SYT14: variants seen among roughly 807,000 people sequenced by gnomAD.
SYT14 encodes synaptotagmin-14.
In SYT14, 32 loss-of-function variants were observed where a neutral mutation model predicts 74.2. The observed-to-expected ratio is 0.43, with a 90% CI of 0.33 to 0.58. The LOEUF (loss-of-function observed/expected upper bound fraction) is 0.58, where lower values mean the gene tolerates loss of function less well. Ranked by LOEUF, SYT14 falls within the 20% of genes least tolerant of loss-of-function variation. The pLI is 0.05. For missense variants in SYT14, 791 were observed against 981.8 expected (o/e 0.81, Z 2.60); for synonymous variants, 298 against 337.7 (o/e 0.88, Z 1.29).
chr1:210,054,968 G>A (rs546825113), intron 5 of SYT14, among the ~76,000 whole-genome samples: 2 of 152,208 alleles, frequency 1.3e-5, no homozygotes, highest in South Asian at 2.1e-4. Flanking sequence ...GTTTGGGGTG[G>A]GAGTGTTGAT....
chr1:210,069,260 C>T (rs1207006359), intron 5 of SYT14, among the ~76,000 whole-genome samples: 2 of 151,872 alleles, frequency 1.3e-5, no homozygotes, highest in East Asian at 1.9e-4. Context: ...TCTAATTCTT[C>T]GTTATAAGTT....
At chr1:210,151,588 C>G (rs2083165027) in intron 7 of SYT14, among the ~76,000 whole-genome samples, 1 of 140,132 alleles carries the variant, frequency 7.1e-6, no homozygotes, top group Non-Finnish European at 1.5e-5. Context: ...TGAGTGATCT[C>G]TTTGGACTGC....
intron 2 of SYT14, among the ~76,000 whole-genome samples, chr1:209,967,143 C>T (rs1572081541): frequency 6.6e-6 from 1 of 152,040 alleles, no homozygotes; most frequent in South Asian, 2.1e-4. Flanking sequence ...TTAAACCAAC[C>T]TTACATTTAT....
rs529379052 is a variant in SYT14 at position 210,120,854 on chromosome 1, T to G, written c.2034+20393T>G. ...CTGAAATGAAAATTAGCACTGTCCT[T>G]TAAGCTGTGTTAAAGTTAAGAAAAA... On this transcript the variant is annotated intron_variant, in intron 7 of 9. Coordinates refer to ENST00000637265, the Ensembl canonical transcript of SYT14. Among the ~76,000 whole-genome samples, 9 of 152,360 alleles carry G rather than the reference T, an allele frequency of 5.9e-5. No homozygotes were observed. The East Asian group carries it at 1.7e-3, about 29-fold the overall frequency.
chr1:210,023,352 A>T (rs983182620), intron 5 of SYT14, among the ~76,000 whole-genome samples: 1 of 152,080 alleles, frequency 6.6e-6, no homozygotes, highest in Non-Finnish European at 1.5e-5. Context: ...AAAAAAAGAC[A>T]AACTTTCTTG....
At chr1:210,123,722 A>T (rs1305270872) in intron 7 of SYT14, among the ~76,000 whole-genome samples, 1 of 152,194 alleles carries the variant, frequency 6.6e-6, no homozygotes, top group Admixed American at 6.5e-5. Context: ...TTTTTGGGGA[A>T]TGTATTCTTA....
chr1:210,058,906 T>C (rs1185297552), intron 5 of SYT14, among the ~76,000 whole-genome samples: 1 of 152,068 alleles, frequency 6.6e-6, no homozygotes, highest in African/African-American at 2.4e-5. Flanking sequence ...CACTCAAAAG[T>C]TCCATGAACA....
chr1:210,020,588 A>G (rs1000991019), intron 4 of SYT14, among the ~76,000 whole-genome samples: 12 of 152,218 alleles, frequency 7.9e-5, no homozygotes, highest in African/African-American at 2.9e-4. Context: ...AACGAGAACC[A>G]GAAATGTGTC....
intron 5 of SYT14, among the ~76,000 whole-genome samples, chr1:210,054,430 G>A (rs2081058294): frequency 6.6e-6 from 1 of 152,002 alleles, no homozygotes; most frequent in African/African-American, 2.4e-5. Flanking sequence ...TTTTATGATT[G>A]TAATATCTTT....
At chr1:209,958,517 G>C (rs967685816) in intron 2 of SYT14, among the ~76,000 whole-genome samples, 3 of 151,916 alleles carry the variant, frequency 2.0e-5, no homozygotes, top group Non-Finnish European at 4.4e-5. Context: ...TCTTATTCTT[G>C]AACATGGTGT....
intron 2 of SYT14, among the ~76,000 whole-genome samples, chr1:209,979,599 C>T (rs1204404031): frequency 6.6e-6 from 1 of 152,094 alleles, no homozygotes; most frequent in Non-Finnish European, 1.5e-5. Flanking sequence ...TGCTTTCCCT[C>T]CTGCTGCCCC....
At chr1:209,954,915 A>G (rs921267285) in intron 2 of SYT14, among the ~76,000 whole-genome samples, 12 of 152,164 alleles carry the variant, frequency 7.9e-5, no homozygotes, top group African/African-American at 2.9e-4. Flanking sequence ...CATGTTGGCC[A>G]GGCTGGTCTC....
intron 2 of SYT14, chr1:209,965,806 T>C: frequency 7.3e-6 from 3 of 410,738 alleles, no homozygotes; most frequent in Non-Finnish European, 1.4e-5. Context: ...AAACTATCCT[T>C]TCTGTGAAAT....
chr1:210,067,207 T>C (rs2081312447), intron 5 of SYT14, among the ~76,000 whole-genome samples: 1 of 152,054 alleles, frequency 6.6e-6, no homozygotes, highest in Non-Finnish European at 1.5e-5. Flanking sequence ...TTGCTTTTAC[T>C]AAGCTTGAAA....
At chr1:210,020,907 A>G (rs1213521748) in intron 4 of SYT14, 132 bp from the exon 4 acceptor site, 1 of 702,772 alleles carries the variant, frequency 1.4e-6, no homozygotes, top group Non-Finnish European at 2.5e-6. Flanking sequence ...GTGTGTGTTT[A>G]TATATATAAC....
chr1:209,968,387 A>G (rs1397016030), intron 2 of SYT14, among the ~76,000 whole-genome samples: 5 of 151,748 alleles, frequency 3.3e-5, no homozygotes, highest in Non-Finnish European at 7.4e-5. Context: ...CTCCATATGG[A>G]TAGTACTCCA....
exon 1 of SYT14, chr1:209,938,226 C>G: frequency 6.6e-7 from 1 of 1,524,874 alleles, no homozygotes; most frequent in Non-Finnish European, 8.8e-7. Flanking sequence ...CGTCTGCTGC[C>G]CCCGCCATCC....
At chr1:209,943,043 G>A (rs1156581670) in intron 1 of SYT14, among the ~76,000 whole-genome samples, 1 of 151,890 alleles carries the variant, frequency 6.6e-6, no homozygotes, top group Non-Finnish European at 1.5e-5. Flanking sequence ...GTTTCTTTTG[G>A]CTCTAAGATT....
chr1:210,085,980 G>C (rs1304826185), intron 5 of SYT14, among the ~76,000 whole-genome samples: 1 of 151,934 alleles, frequency 6.6e-6, no homozygotes, highest in African/African-American at 2.4e-5. Context: ...TAAATAATAA[G>C]TTCACCAGTG....
Sources: allele counts gnomAD v4.1 joint callset (sites outside exome capture counted in the v4.1 genomes callset), GRCh38; gene constraint gnomAD v4.1.1; transcripts MANE v1.5; gene names NCBI Gene and HGNC (gene_info 2026-07-23, HGNC 2026-07-21).